Variants in HPSE2 observed in about 807,000 individuals in gnomAD.
HPSE2 encodes the protein heparanase 2 (inactive), also known as inactive heparanase-2.
In HPSE2, 38 loss-of-function variants were observed where a neutral mutation model predicts 60.5. The ratio of observed to expected loss-of-function variants is 0.63; its 90% CI spans 0.48 to 0.82. The LOEUF is 0.82. Ranked by LOEUF, HPSE2 falls within the 40% of genes least tolerant of loss-of-function variation. HPSE2 has a pLI of 0.00. For missense variants in HPSE2, 713 were observed against 740.4 expected (o/e 0.96, Z 0.43); for synonymous variants, 295 against 293.2 (o/e 1.01, Z -0.06).
intron 3 of HPSE2, among the ~76,000 whole-genome samples, chr10:99,087,806 T>A (rs1368673379): frequency 6.6e-6 from 1 of 152,184 alleles, no homozygotes; most frequent in East Asian, 1.9e-4. Flanking sequence ...CAGGAAGTTT[T>A]ATTTCACGGT....
At chr10:98,465,088 C>G (rs1031229799) in intron 11 of HPSE2, among the ~76,000 whole-genome samples, 2 of 152,218 alleles carry the variant, frequency 1.3e-5, no homozygotes, top group Non-Finnish European at 2.9e-5. Context: ...TTTATCACTT[C>G]CATTCTATTC....
chr10:98,856,398 AAAAC>A (rs1447790185), intron 3 of HPSE2, among the ~76,000 whole-genome samples: 2 of 152,186 alleles, frequency 1.3e-5, no homozygotes, highest in Admixed American at 1.3e-4. Context: ...AAACCAGATT[AAAAC>A]AAACAAGCAA....
intron 3 of HPSE2, among the ~76,000 whole-genome samples, chr10:99,057,860 T>A (rs2135515858): frequency 6.6e-6 from 1 of 152,302 alleles, no homozygotes; most frequent in Admixed American, 6.5e-5. Flanking sequence ...TTCTTTTCAT[T>A]CATGCACAAA....
At chr10:98,729,682 A>G (rs1177150694) in intron 4 of HPSE2, among the ~76,000 whole-genome samples, 1 of 152,128 alleles carries the variant, frequency 6.6e-6, no homozygotes, top group Non-Finnish European at 1.5e-5. Flanking sequence ...GAGCAGAAAT[A>G]ACTATACTAA....
chr10:98,847,363 CA>C (rs1952058985), intron 3 of HPSE2, among the ~76,000 whole-genome samples: 1 of 152,188 alleles, frequency 6.6e-6, no homozygotes, highest in South Asian at 2.1e-4. Context: ...ATGTCTGTAA[CA>C]ACCCTAAAAG....
At chr10:99,152,067 T>C (rs1846289170) in intron 2 of HPSE2, among the ~76,000 whole-genome samples, 1 of 151,306 alleles carries the variant, frequency 6.6e-6, no homozygotes. Context: ...TAATTCCAGC[T>C]TTGGGAGGCC....
At chr10:99,232,045 G>A (rs911459086) in intron 2 of HPSE2, among the ~76,000 whole-genome samples, 4 of 152,212 alleles carry the variant, frequency 2.6e-5, no homozygotes, top group Admixed American at 2.0e-4. Flanking sequence ...CAAGACAGCC[G>A]CCCAGCAAAA....
intron 3 of HPSE2, among the ~76,000 whole-genome samples, chr10:99,058,009 C>G (rs1958152476): frequency 1.3e-5 from 2 of 152,128 alleles, no homozygotes; most frequent in Non-Finnish European, 2.9e-5. Flanking sequence ...AGGGATGTTA[C>G]TACATTAGCT....
intron 3 of HPSE2, among the ~76,000 whole-genome samples, chr10:98,957,599 C>T (rs1179939809): frequency 6.6e-6 from 1 of 152,194 alleles, no homozygotes; most frequent in Admixed American, 6.5e-5. Flanking sequence ...TCTAAGTCTT[C>T]TTGTTGTAAA....
chr10:98,526,701 G>A (rs1305050800), intron 9 of HPSE2, among the ~76,000 whole-genome samples: 1 of 152,178 alleles, frequency 6.6e-6, no homozygotes, highest in Non-Finnish European at 1.5e-5. Context: ...CCAAATAAGA[G>A]TACATGCAGG....
At chr10:98,636,582 G>A (rs1445566439) in intron 7 of HPSE2, among the ~76,000 whole-genome samples, 5 of 152,066 alleles carry the variant, frequency 3.3e-5, no homozygotes. Context: ...TACACGTATT[G>A]CAATATCATT....
intron 3 of HPSE2, among the ~76,000 whole-genome samples, chr10:98,746,916 G>A (rs1949643673): frequency 1.3e-5 from 2 of 151,896 alleles, no homozygotes; most frequent in Non-Finnish European, 1.5e-5. Flanking sequence ...AAACTAAACA[G>A]ATTCTAAGGA....
At chr10:98,574,003 C>T (rs1257581324) in intron 9 of HPSE2, among the ~76,000 whole-genome samples, 1 of 151,990 alleles carries the variant, frequency 6.6e-6, no homozygotes. Context: ...ATATTTTTTA[C>T]CCCAAAAAGA....
At chr10:98,889,662 G>C (rs1235362106) in intron 3 of HPSE2, among the ~76,000 whole-genome samples, 1 of 152,194 alleles carries the variant, frequency 6.6e-6, no homozygotes, top group East Asian at 1.9e-4. Context: ...GGTCAAGGGA[G>C]TCAAGTGGGC....
chr10:99,148,070 T>C (rs775328614), intron 2 of HPSE2, among the ~76,000 whole-genome samples: 6 of 152,230 alleles, frequency 3.9e-5, no homozygotes, highest in South Asian at 2.1e-4. Context: ...TGCTATGATA[T>C]TGCTGCCAAA....
At chr10:99,077,296 C>G (rs1842979411) in intron 3 of HPSE2, among the ~76,000 whole-genome samples, 1 of 152,164 alleles carries the variant, frequency 6.6e-6, no homozygotes. Context: ...TTTGAATAAG[C>G]TTTCTTCCCC....
intron 9 of HPSE2, among the ~76,000 whole-genome samples, chr10:98,593,739 TG>T (rs1340854492): frequency 6.6e-6 from 1 of 152,204 alleles, no homozygotes; most frequent in African/African-American, 2.4e-5. Context: ...CCTACATTGT[TG>T]GGGTCTTCCT....
intron 3 of HPSE2, among the ~76,000 whole-genome samples, chr10:98,911,140 A>C (rs187056396): frequency 3.3e-5 from 5 of 152,318 alleles, no homozygotes; most frequent in African/African-American, 9.6e-5. Flanking sequence ...AGGGTAAAAG[A>C]CCTCAACAAA....
chr10:99,015,998 T>C (rs1375011712), intron 3 of HPSE2, among the ~76,000 whole-genome samples: 1 of 152,180 alleles, frequency 6.6e-6, no homozygotes, highest in Non-Finnish European at 1.5e-5. Flanking sequence ...GGCTATTTAC[T>C]CTGTTAATAG....
Sources: gnomAD v4.1 joint callset for allele counts (sites outside exome capture counted in the v4.1 genomes callset) on GRCh38, gnomAD v4.1.1 for gene constraint, MANE v1.5 for transcripts, NCBI Gene and HGNC (gene_info 2026-07-23, HGNC 2026-07-21) for gene names.